SEC23B: variants seen among roughly 807,000 people sequenced by gnomAD.
The protein encoded by SEC23B is SEC23 homolog B, COPII component.
A neutral mutation model predicts 104.3 loss-of-function variants in SEC23B; 77 were observed. The observed-to-expected ratio is 0.74, with a 90% CI of 0.61 to 0.89. SEC23B has a LOEUF of 0.89. Ranked by LOEUF, SEC23B falls within the 40% of genes least tolerant of loss-of-function variation. SEC23B has a pLI of 0.00. For synonymous variants in SEC23B, 338 were observed against 332.5 expected, an observed-to-expected ratio of 1.02 and a Z score of -0.18; for missense variants, 885 against 949.4, an observed-to-expected ratio of 0.93 and a Z score of 0.89.
chr20:18,544,403 TC>T (rs2060314441), intron 14 of SEC23B, among the ~76,000 whole-genome samples: 1 of 152,186 alleles, frequency 6.6e-6, no homozygotes, highest in African/African-American at 2.4e-5. Context: ...AACAAAGACT[TC>T]CTGTGGAAAT....
At position 18,560,895 on chromosome 20, in the gene SEC23B, C is replaced by T; in HGVS notation, c.*155C>T. 3.0e-6 allele frequency: 2 copies of T among 665,830 alleles called. No homozygotes were observed. Among genetic ancestry groups the T allele is most frequent in the African/African-American group, 1.8e-5 (1 of 55,602 alleles). The allele number at this position is 665,830 out of a possible 1,614,324, so 41.2% of individuals were successfully genotyped here. A position where few individuals can be genotyped will look rare whatever the true frequency, so the allele number is the denominator to read the frequency against. ...TTTAGATTATAATTTATTTGTATTC[C>T]TGTCTTTGTCCTTTTTCTTGCACTA... On this transcript the variant is annotated 3_prime_UTR_variant, in exon 20 of 20. Transcript: ENST00000650089.
Position 18,529,697 on chromosome 20 carries a change from A to G in SEC23B, c.1110-983A>G, listed in dbSNP as rs138870454. On this transcript the variant is annotated intron_variant, in intron 9 of 19. Coordinates refer to ENST00000650089, the MANE Select transcript of SEC23B (RefSeq NM_006363.6). The stretch of plus-strand genomic sequence containing the variant: ...AACACACTCCACATATAAAGGACAC[A>G]GCAATAGTCAGAACGCACATGCCAA... 4.7e-3 allele frequency among the ~76,000 whole-genome samples: 717 copies of G among 152,368 alleles called. 4 individuals carry two copies. Among genetic ancestry groups the G allele is most frequent in the African/African-American group, 0.017 (688 of 41,596 alleles).
rs116722955 is a variant in SEC23B at position 18,527,978 on chromosome 20, A to G, written c.1109+367A>G. Among the ~76,000 whole-genome samples, 603 of 152,278 alleles carry G rather than the reference A, an allele frequency of 4.0e-3. 2 individuals are homozygous for G. Among genetic ancestry groups the G allele is most frequent in the African/African-American group, 0.014 (569 of 41,568 alleles). ...TCTGAATGCTGAAACAACTAGGATA[A>G]ACCTGGCTAAGTGGCCATACTTTGT... On this transcript the variant is annotated intron_variant, in intron 9 of 19. Transcript: ENST00000650089.
At chr20:18,510,570 G>C (rs1409253418) in intron 1 of SEC23B, among the ~76,000 whole-genome samples, 1 of 152,180 alleles carries the variant, frequency 6.6e-6, no homozygotes, top group Non-Finnish European at 1.5e-5. Context: ...TTTGAGACCA[G>C]CCTGGCCAAC....
chr20:18,519,174 G>T (rs1423500166), intron 4 of SEC23B, among the ~76,000 whole-genome samples: 1 of 152,170 alleles, frequency 6.6e-6, no homozygotes, highest in Non-Finnish European at 1.5e-5. Context: ...GAATAGGAAA[G>T]AAGGAAATAT....
chr20:18,530,547 T>G, intron 9 of SEC23B, 133 bp from the exon 10 acceptor site: 1 of 1,044,566 alleles, frequency 9.6e-7, no homozygotes, highest in Non-Finnish European at 1.3e-6. Flanking sequence ...TTTTTTTATA[T>G]TTAAATTAAT....
At position 18,536,657 on chromosome 20, in the gene SEC23B, A is replaced by G. The variant is rs182054088; in HGVS notation, c.1404+915A>G. Among the ~76,000 whole-genome samples, 454 of 151,582 alleles carry G rather than the reference A, an allele frequency of 3.0e-3. 1 individual carries two copies. The highest frequency in any genetic ancestry group is 0.014 in the Middle Eastern group (4 of 290). Reference sequence around the variant, plus strand: ...CAGTGAGCCAAGATCGTGCCACTGCACTCCAGCCTGGGCAACAGAGCGAGA... The same window carrying G: ...CAGTGAGCCAAGATCGTGCCACTGCGCTCCAGCCTGGGCAACAGAGCGAGA... On this transcript the variant is annotated intron_variant, in intron 12 of 19. Coordinates refer to ENST00000650089, the MANE Select transcript of SEC23B (RefSeq NM_006363.6).
intron 3 of SEC23B, among the ~76,000 whole-genome samples, chr20:18,515,121 T>G (rs2060013609): frequency 6.6e-6 from 1 of 152,174 alleles, no homozygotes; most frequent in African/African-American, 2.4e-5. Context: ...AAGACCAGCC[T>G]GGGCAACATA....
At chr20:18,508,067 T>G (rs1183594062) in intron 1 of SEC23B, 95 bp downstream of exon 1, 1 of 152,512 alleles carries the variant, frequency 6.6e-6, no homozygotes, top group East Asian at 1.9e-4. Context: ...GAGCGGCTTC[T>G]GGGAGGAGGC....
Position 18,530,780 on chromosome 20 carries a change from T to C in SEC23B, c.1210T>C (p.Phe404Leu), listed in dbSNP as rs1285941848. 3 of 1,613,262 alleles carry C rather than the reference T, an allele frequency of 1.9e-6. No individual in the cohort carries two copies. Among genetic ancestry groups the C allele is most frequent in the African/African-American group, 1.3e-5 (1 of 74,878 alleles). Residue 404 changes from phenylalanine (F) to leucine (L), a missense_variant, in exon 10 of 20, where the codon TTT becomes CTT. Coordinates refer to ENST00000650089, the MANE Select transcript of SEC23B (RefSeq NM_006363.6). ...TTTTAATGGAGATTTCCGAATGGCA[T>C]TTGGTGCTACTTTGGACGTAAAGGT... Reference protein sequence around the residue: ...KDFNGDFRMAFGATLDVKTSR... With the variant: ...KDFNGDFRMALGATLDVKTSR...
intron 9 of SEC23B, among the ~76,000 whole-genome samples, chr20:18,528,500 T>C (rs1435543293): frequency 6.6e-6 from 1 of 152,186 alleles, no homozygotes; most frequent in Non-Finnish European, 1.5e-5. Context: ...CCAGGTGATT[T>C]GCATGCACAG....
intron 9 of SEC23B, 143 bp from the exon 10 acceptor site, chr20:18,530,537 T>G (rs2060174583): frequency 5.1e-6 from 5 of 980,306 alleles, no homozygotes; most frequent in Non-Finnish European, 7.2e-6. Flanking sequence ...GCCTGGCCTG[T>G]TTTTTTATAT....
At chr20:18,512,157 CTTAAAAATAAAAATTTTATT>C (rs559655906) in intron 2 of SEC23B, 48 bp from the exon 3 acceptor site, 6 of 1,012,392 alleles carry the variant, frequency 5.9e-6, no homozygotes, top group African/African-American at 4.9e-5. Flanking sequence ...CGCTTTCTAC[CTTAAAAATAAAAATTTTATT>C]TTAAAAATAA....
chr20:18,510,985 C>G lies in SEC23B; in HGVS notation c.150C>G (p.Asp50Glu), dbSNP rs1356454492. 5 of 1,614,178 alleles carry G rather than the reference C, an allele frequency of 3.1e-6. No individual in the cohort carries two copies. In the East Asian group the frequency reaches 6.7e-5, roughly 22 times the overall value. ...CLLTPLKERPDLPPVQYEPVL... is the reference protein window; with the variant it reads ...CLLTPLKERPELPPVQYEPVL... Reference sequence around the variant, plus strand: ...TTACTCCTTTGAAAGAACGTCCAGACCTACCTCCTGTACAATATGAACCTG... The same window carrying G: ...TTACTCCTTTGAAAGAACGTCCAGAGCTACCTCCTGTACAATATGAACCTG... Residue 50 changes from aspartate to glutamate, a missense_variant, in exon 2 of 20, where the codon GAC (aspartate) becomes GAG (glutamate). Physicochemically the swap from Asp to Glu is conservative, Grantham distance 45 (BLOSUM62 2). Coordinates refer to ENST00000650089, the MANE Select transcript of SEC23B (RefSeq NM_006363.6).
At chr20:18,516,738 A>G (rs985170266) in intron 4 of SEC23B, among the ~76,000 whole-genome samples, 11 of 151,766 alleles carry the variant, frequency 7.2e-5, no homozygotes, top group African/African-American at 2.2e-4. Context: ...TATTTTTAGT[A>G]GAGACGGGGT....
chr20:18,522,161 G>T (rs555271144), intron 4 of SEC23B, among the ~76,000 whole-genome samples: 1 of 152,278 alleles, frequency 6.6e-6, no homozygotes, highest in African/African-American at 2.4e-5. Context: ...GGAGTAGGGG[G>T]TGGGGAGCAG....
At chr20:18,532,538 C>T in intron 10 of SEC23B, 126 bp from the exon 11 acceptor site, 1 of 781,036 alleles carries the variant, frequency 1.3e-6, no homozygotes, top group Non-Finnish European at 2.3e-6. Flanking sequence ...GTTATGATCC[C>T]TGTGGAGTTT....
At chr20:18,515,807 A>T (rs1247243247) in intron 4 of SEC23B, 71 bp downstream of exon 4, 2 of 1,012,000 alleles carry the variant, frequency 2.0e-6, no homozygotes, top group African/African-American at 1.6e-5. Flanking sequence ...TTTGTCTTCC[A>T]TGTCTCTTAC....
At chr20:18,523,188 C>T (rs1016689757) in intron 4 of SEC23B, among the ~76,000 whole-genome samples, 2 of 152,048 alleles carry the variant, frequency 1.3e-5, no homozygotes, top group African/African-American at 4.8e-5. Context: ...CCACTCCAAC[C>T]CCAGTATCTG....
Sources: allele counts gnomAD v4.1 joint callset (sites outside exome capture counted in the v4.1 genomes callset), GRCh38; gene constraint gnomAD v4.1.1; transcripts MANE v1.5; gene names NCBI Gene and HGNC (gene_info 2026-07-23, HGNC 2026-07-21).